S100A5: variants seen among roughly 807,000 people sequenced by gnomAD.
The protein encoded by S100A5 is protein S100-A5.
Under a neutral mutation model 6.7 loss-of-function variants are expected in S100A5, and 5 were observed. The ratio of observed to expected loss-of-function variants is 0.75; its 90% CI spans 0.39 to 1.57. The LOEUF (loss-of-function observed/expected upper bound fraction) is 1.57. Ranked by LOEUF, S100A5 falls within the 40% of genes most tolerant of loss-of-function variation. S100A5 has a pLI of 0.03. For synonymous variants in S100A5, 49 were observed against 44.9 expected (o/e 1.09, Z -0.37); for missense variants, 129 against 110.8 (o/e 1.16, Z -0.74).
chr1:153,538,917 C>A (rs1451707391), intron 2 of S100A5, among the ~76,000 whole-genome samples: 1 of 151,784 alleles, frequency 6.6e-6, no homozygotes, highest in East Asian at 1.9e-4. Context: ...TCATTTGAGG[C>A]CAGGAGTTCA....
chr1:153,538,617 T>C (rs1665268892), intron 2 of S100A5, among the ~76,000 whole-genome samples: 1 of 152,176 alleles, frequency 6.6e-6, no homozygotes, highest in Non-Finnish European at 1.5e-5. Flanking sequence ...CCATACCTGC[T>C]TCTGTCCCCT....
upstream of S100A5, chr1:153,543,350 G>A (rs958063683): frequency 6.4e-6 from 6 of 942,200 alleles, no homozygotes; most frequent in South Asian, 2.9e-4. Context: ...GAGGTGGGAG[G>A]GGTAAGTGGG....
At chr1:153,539,450 A>AATATATATATATAT (rs1173862697) in intron 2 of S100A5, among the ~76,000 whole-genome samples, 5 of 31,194 alleles carry the variant, frequency 1.6e-4, no homozygotes, top group Admixed American at 5.2e-4. Flanking sequence ...AAAAAAAAAA[A>AATATATATATATAT]ATATATATAT....
chr1:153,541,849 G>A (rs1341370117), upstream of S100A5: 3 of 1,031,198 alleles, frequency 2.9e-6, no homozygotes, highest in African/African-American at 5.2e-5. Flanking sequence ...CACTCCAGGA[G>A]TAGAGAAGAC....
At chr1:153,539,424 C>CAA (rs149327889) in intron 2 of S100A5, among the ~76,000 whole-genome samples, 22 of 35,136 alleles carry the variant, frequency 6.3e-4, no homozygotes, top group Admixed American at 1.1e-3. Flanking sequence ...GAGACTCTCT[C>CAA]AAAAAAAAAA....
Position 153,540,050 on chromosome 1 carries a change from C to A in S100A5, c.138+4G>T. 1 of 1,613,936 alleles carries A rather than the reference C, an allele frequency of 6.2e-7. No homozygotes were observed. The highest frequency in any genetic ancestry group is 1.1e-5 in the South Asian group (1 of 91,078). ...GGGTGGAGGATGAGGGAACAATCAC[C>A]TACCTCCCCAAGACACAGCTCTTTC... On this transcript the variant is annotated splice_donor_region_variant and intron_variant, in intron 2 of 2. Coordinates refer to ENST00000368717, the MANE Select transcript of S100A5 (RefSeq NM_001394232.1).
upstream of S100A5, chr1:153,541,415 C>T: frequency 7.3e-7 from 1 of 1,367,710 alleles, no homozygotes; most frequent in East Asian, 4.6e-5. Context: ...AGAATCCAAG[C>T]AGCAGGCATA....
upstream of S100A5, among the ~76,000 whole-genome samples, chr1:153,542,648 C>T (rs141775079): frequency 1.5e-3 from 225 of 152,296 alleles, no homozygotes; most frequent in African/African-American, 5.2e-3. Flanking sequence ...CCTCCATGCA[C>T]CTCTTCCTAA....
At position 153,537,165 on chromosome 1, in the gene S100A5, A is replaced by G. The variant is rs1665205543; in HGVS notation, c.*131T>C. 1.8e-6 allele frequency: 2 copies of G among 1,089,308 alleles called. No individual in the cohort carries two copies. 67.5% of individuals were successfully genotyped at this position (1,089,308 alleles called of 1,614,324 possible). ...ACCAGACTCCCAGCACCTGCGATGG[A>G]AACTTTATTTCCTCCCATGGAAGGG... On this transcript the variant is annotated 3_prime_UTR_variant, in exon 3 of 3. Transcript: ENST00000368717.
intron 2 of S100A5, among the ~76,000 whole-genome samples, chr1:153,539,085 G>A (rs1341726074): frequency 6.6e-6 from 1 of 151,756 alleles, no homozygotes; most frequent in Non-Finnish European, 1.5e-5. Flanking sequence ...AGCCATGATC[G>A]CACCACTGCA....
chr1:153,543,262 T>C (rs1665446733), upstream of S100A5: 1 of 985,144 alleles, frequency 1.0e-6, no homozygotes, highest in South Asian at 4.7e-5. Flanking sequence ...CAAACTCCAT[T>C]CCAGACCCCA....
In S100A5 at chr1:153,540,056, C is replaced by T. The variant is rs34227468; in HGVS notation, c.136G>A (p.Glu46Lys). 186 of 1,614,068 alleles carry T rather than the reference C, an allele frequency of 1.2e-4. No homozygotes were observed. The African/African-American group carries it at 2.1e-3, about 18-fold the overall frequency. ...ELIKKELCLG[E>K]MKESSIDDLM... The stretch of plus-strand genomic sequence containing the variant: ...AGGATGAGGGAACAATCACCTACCT[C>T]CCCAAGACACAGCTCTTTCTTGATC... The change falls in exon 2 of 3, where the codon GAG becomes AAG. Residue 46 changes from glutamate (E) to lysine (K), a missense_variant and splice_region_variant. Transcript: ENST00000368717.
chr1:153,537,385 C>G lies in S100A5; in HGVS notation c.190G>C (p.Asp64His). ...TACTCCTTGAAGTCGATCTCCTGGT[C>G]GCTGTTCTTGTCCAGGCTCTTCATC... ...DLMKSLDKNSDQEIDFKEYSV... is the reference protein window; with the variant it reads ...DLMKSLDKNSHQEIDFKEYSV... The change falls in exon 3 of 3, where the codon GAC (aspartate) becomes CAC (histidine). Residue 64 changes from aspartate (D) to histidine (H), a missense_variant. By Grantham distance (81) the Asp-to-His change is moderately conservative. Transcript: ENST00000368717. 3 of 1,614,166 alleles carry G rather than the reference C, an allele frequency of 1.9e-6. No individual in the cohort carries two copies. The highest frequency in any genetic ancestry group is 2.5e-6 in the Non-Finnish European group (3 of 1,180,024).
In S100A5 at chr1:153,540,796, G is replaced by C; in HGVS notation, c.-190C>G. 6.2e-6 allele frequency: 1 copy of C among 161,206 alleles called. No individual in the cohort carries two copies. Among genetic ancestry groups the C allele is most frequent in the South Asian group, 1.7e-4 (1 of 5,980 alleles). 10.0% of individuals were successfully genotyped at this position (161,206 alleles called of 1,614,324 possible). A position where few individuals can be genotyped will look rare whatever the true frequency, so the allele number is the denominator to read the frequency against. ...TCTGGCCCAGAGCAGTGCACACAGAGACGGGTCAGCGGGCAGGGAGGGCAG... is the reference window on the plus strand; with the variant it reads ...TCTGGCCCAGAGCAGTGCACACAGACACGGGTCAGCGGGCAGGGAGGGCAG... On this transcript the variant is annotated 5_prime_UTR_variant, in exon 1 of 3. Coordinates refer to ENST00000368717, the MANE Select transcript of S100A5 (RefSeq NM_001394232.1).
intron 1 of S100A5, 52 bp from the exon 2 acceptor site, chr1:153,540,257 CACT>C: frequency 6.3e-7 from 1 of 1,591,750 alleles, no homozygotes; most frequent in Non-Finnish European, 8.6e-7. Context: ...CCACCAGCAG[CACT>C]AGCCTACCTC....
At chr1:153,542,452 C>T (rs981267095), upstream of S100A5, among the ~76,000 whole-genome samples, 1 of 152,304 alleles carries the variant, frequency 6.6e-6, no homozygotes, top group East Asian at 1.9e-4. Context: ...GAGAGGGCAG[C>T]GGAAGGCAGC....
At chr1:153,539,471 A>ATT (rs1557889141) in intron 2 of S100A5, among the ~76,000 whole-genome samples, 128 of 124,724 alleles carry the variant, frequency 1.0e-3, no homozygotes, top group African/African-American at 4.5e-3. Flanking sequence ...ATATATATAT[A>ATT]TATATTTATT....
upstream of S100A5, chr1:153,543,146 C>A (rs11486137): frequency 1.2e-6 from 1 of 852,828 alleles, no homozygotes; most frequent in Non-Finnish European, 1.4e-6. Flanking sequence ...GGACTGTCAA[C>A]GTCAGCACTG....
At chr1:153,541,919 C>T (rs1430051744), upstream of S100A5, 3 of 984,568 alleles carry the variant, frequency 3.0e-6, no homozygotes, top group Non-Finnish European at 3.6e-6. Flanking sequence ...TGGTCAAGGT[C>T]ATGAGCTAAT....
Sources: allele counts gnomAD v4.1 joint callset (sites outside exome capture counted in the v4.1 genomes callset), GRCh38; gene constraint gnomAD v4.1.1; transcripts MANE v1.5; gene names NCBI Gene and HGNC (gene_info 2026-07-23, HGNC 2026-07-21).